The following MED16 variants were observed in gnomAD, a reference collection of about 807,000 sequenced individuals.
The protein encoded by MED16 is mediator complex subunit 16.
A neutral mutation model predicts 84.4 loss-of-function variants in MED16; 81 were observed. The ratio of observed to expected loss-of-function variants is 0.96; its 90% confidence interval spans 0.80 to 1.15. MED16 has a LOEUF of 1.15. MED16 is among the 50% of genes most tolerant of loss of function. MED16 has a pLI of 0.00. For missense variants in MED16, 1,585 were observed against 1,245.9 expected, an observed-to-expected ratio of 1.27 and a Z score of -4.10; for synonymous variants, 897 against 552.2, an observed-to-expected ratio of 1.62 and a Z score of -8.76.
At position 883,706 on chromosome 19, in the gene MED16, G is replaced by A. The variant is rs188803267; in HGVS notation, c.985+1197C>T. Among the ~76,000 whole-genome samples, 417 of 152,272 alleles carry A rather than the reference G, an allele frequency of 2.7e-3. 2 individuals carry two copies. Among genetic ancestry groups the A allele is most frequent in the African/African-American group, 9.0e-3 (374 of 41,546 alleles). Reference sequence around the variant, plus strand: ...CCCAGTGGCTTGGCTGTGGGCAGATGGTAGACACAGACGTGCCCAGCGGGG... The same window carrying A: ...CCCAGTGGCTTGGCTGTGGGCAGATAGTAGACACAGACGTGCCCAGCGGGG... On this transcript the variant is annotated intron_variant, in intron 6 of 15. Coordinates refer to ENST00000325464, the MANE Select transcript of MED16 (RefSeq NM_005481.3).
chr19:877,291 C>G, intron 8 of MED16, 111 bp from the exon 9 acceptor site: 7 of 1,007,594 alleles, frequency 6.9e-6, no homozygotes, highest in Non-Finnish European at 1.0e-5. Flanking sequence ...TGTGCGCGCA[C>G]GCCCGTGTGT....
chr19:868,361 GGGC>G (rs774358726), intron 15 of MED16, 52 bp downstream of exon 15: 1 of 1,596,610 alleles, frequency 6.3e-7, no homozygotes, highest in Non-Finnish European at 8.5e-7. Flanking sequence ...AGTAGCTGAG[GGGC>G]AGCTGGGCTC....
At chr19:871,293 G>A (rs774256518) in intron 12 of MED16, 40 bp from the exon 13 acceptor site, 5 of 1,507,746 alleles carry the variant, frequency 3.3e-6, no homozygotes, top group Middle Eastern at 1.8e-4. Flanking sequence ...ACCCCTGACT[G>A]GGGCACCGCC....
chr19:887,094 AAAG>A (rs752726785), intron 4 of MED16, among the ~76,000 whole-genome samples: 15 of 151,822 alleles, frequency 9.9e-5, no homozygotes, highest in Non-Finnish European at 1.5e-4. Context: ...ACAAAAAAAA[AAAG>A]AACAAGAAAA....
At chr19:877,314 G>T in intron 8 of MED16, 134 bp from the exon 9 acceptor site, 1 of 784,280 alleles carries the variant, frequency 1.3e-6, no homozygotes, top group Non-Finnish European at 2.0e-6. Flanking sequence ...GCCTGTGTGC[G>T]CGCATGTGTC....
rs1568316679 is a variant in MED16, at chr19:869,040, G to A, written c.2316-94C>T. ...GTCCACAGGCGGGGGTGGAGGGAATGGCCGGCCTCACACCATCTGCCAGGT... is the reference window on the plus strand; with the variant it reads ...GTCCACAGGCGGGGGTGGAGGGAATAGCCGGCCTCACACCATCTGCCAGGT... On this transcript the variant is annotated intron_variant, in intron 13 of 15. Coordinates refer to ENST00000325464, the MANE Select transcript of MED16 (RefSeq NM_005481.3). 9.0e-6 allele frequency: 10 copies of A among 1,113,688 alleles called. No homozygotes were observed. In the Admixed American group the frequency reaches 1.4e-4, roughly 16 times the overall value. The allele number at this position is 1,113,688 out of a possible 1,614,324, so 69.0% of individuals were successfully genotyped here.
intron 13 of MED16, among the ~76,000 whole-genome samples, chr19:870,822 G>A (rs1242133849): frequency 2.8e-5 from 4 of 144,036 alleles, no homozygotes; most frequent in Non-Finnish European, 4.6e-5. Context: ...GGAGGGAGCC[G>A]TGTGGATTCG....
intron 12 of MED16, chr19:871,692 C>G (rs764032629): frequency 2.1e-6 from 3 of 1,423,168 alleles, no homozygotes; most frequent in Non-Finnish European, 2.9e-6. Context: ...CAAGGCAGAG[C>G]CACTGCCACC....
At chr19:877,326 G>C in intron 8 of MED16, 146 bp from the exon 9 acceptor site, 1 of 733,230 alleles carries the variant, frequency 1.4e-6, no homozygotes, top group Non-Finnish European at 2.2e-6. Flanking sequence ...GCATGTGTCT[G>C]TAGCGTCTGT....
At chr19:876,654 C>T (rs1376976843) in intron 9 of MED16, among the ~76,000 whole-genome samples, 1 of 152,106 alleles carries the variant, frequency 6.6e-6, no homozygotes, top group Non-Finnish European at 1.5e-5. Context: ...CACAGGCTAC[C>T]TGCCCCTCTT....
intron 6 of MED16, among the ~76,000 whole-genome samples, chr19:882,113 G>A (rs901424426): frequency 6.6e-6 from 1 of 152,254 alleles, no homozygotes; most frequent in Non-Finnish European, 1.5e-5. Context: ...AGCCATGCGG[G>A]ATGGTCGCAC....
chr19:876,064 C>T (rs1434920613), intron 9 of MED16, among the ~76,000 whole-genome samples: 2 of 152,234 alleles, frequency 1.3e-5, no homozygotes, highest in Non-Finnish European at 2.9e-5. Flanking sequence ...GGATCCCAGC[C>T]ACGCTGGGGT....
intron 6 of MED16, among the ~76,000 whole-genome samples, chr19:883,290 GCCTGGC>G (rs2036457791): frequency 1.4e-5 from 2 of 148,038 alleles, no homozygotes; most frequent in African/African-American, 5.1e-5. Flanking sequence ...GGGGACCGAA[GCCTGGC>G]ATGGTGGGCA....
At position 872,032 on chromosome 19, in the gene MED16, G is replaced by A. The variant is rs773735886; in HGVS notation, c.1992C>T (p.Ile664=). 21 of 1,610,020 alleles carry A rather than the reference G, an allele frequency of 1.3e-5. No homozygotes were observed. The South Asian group carries it at 2.2e-4, about 17-fold the overall frequency. ...GGCAGCTGGGCTTCAGAAGGCCCCAGATGCGGATGACCACCATCAATTCCC... is the reference window on the plus strand; with the variant it reads ...GGCAGCTGGGCTTCAGAAGGCCCCAAATGCGGATGACCACCATCAATTCCC... ...MLRELMVVIR[I]WGLLKPSCLP... The change falls in exon 12 of 16, where the codon ATC becomes ATT. Residue 664 remains isoleucine (I), a synonymous_variant. Transcript: ENST00000325464.
In MED16 at chr19:877,171, G is replaced by A. The variant is rs1239442456; in HGVS notation, c.1363C>T (p.Leu455Phe). Residue 455 changes from leucine to phenylalanine, a missense_variant, in exon 9 of 16, where the codon CTC (leucine) becomes TTC (phenylalanine). Transcript: ENST00000325464. ...TGGCCCATGGAAGGTGAGAGGCGGA[G>A]CACGCTCAGCTGCCAGAGACAGAGC... ...GIDSHGKLSV[L>F]RLSPSMGHPL... 1.2e-6 allele frequency: 2 copies of A among 1,608,600 alleles called. No homozygotes were observed. Among genetic ancestry groups the A allele is most frequent in the African/African-American group, 1.3e-5 (1 of 74,906 alleles).
chr19:890,870 A>T (rs2036617977), intron 2 of MED16, 93 bp downstream of exon 2: 1 of 1,367,316 alleles, frequency 7.3e-7, no homozygotes, highest in Non-Finnish European at 9.9e-7. Flanking sequence ...GGCCTGAGAG[A>T]CCGAGTCCCT....
At position 885,917 on chromosome 19, in the gene MED16, C is replaced by T; in HGVS notation, c.732G>A (p.Val244=). Residue 244 remains valine (V), a synonymous_variant, in exon 5 of 16, where the codon GTG becomes GTA. Transcript: ENST00000325464. ...SSASPVQFYK[V]CVSVVSEKCR... ...ACTTCTCGCTCACCACGCTCACGCACACCTTGTAGAACTGCACGGGCGACG... is the reference window on the plus strand; with the variant it reads ...ACTTCTCGCTCACCACGCTCACGCATACCTTGTAGAACTGCACGGGCGACG... 1.9e-6 allele frequency: 3 copies of T among 1,613,484 alleles called. No individual in the cohort carries two copies. The highest frequency in any genetic ancestry group is 2.5e-6 in the Non-Finnish European group (3 of 1,179,956).
chr19:884,796 C>G, intron 6 of MED16, 107 bp downstream of exon 6: 1 of 821,496 alleles, frequency 1.2e-6, no homozygotes, highest in Non-Finnish European at 2.0e-6. Context: ...CGCTTAGGGC[C>G]GGGGTTCAGG....
intron 12 of MED16, chr19:871,541 AGAATGACACAGC>A: frequency 6.3e-7 from 1 of 1,581,280 alleles, no homozygotes; most frequent in South Asian, 1.1e-5. Context: ...CTGGGATGTA[AGAATGACACAGC>A]TCACCCTCCT....
Sources: gnomAD v4.1 joint callset for allele counts (sites outside exome capture counted in the v4.1 genomes callset) on GRCh38, gnomAD v4.1.1 for gene constraint, MANE v1.5 for transcripts, NCBI Gene and HGNC (gene_info 2026-07-23, HGNC 2026-07-21) for gene names.